Variants in LIMCH1 observed in about 807,000 individuals in gnomAD.
LIMCH1 encodes LIM and calponin homology domains-containing protein 1.
A neutral mutation model predicts 176.5 loss-of-function variants in LIMCH1; 113 were observed. That is an observed-to-expected ratio of 0.64 (90% confidence interval 0.55 to 0.75). LIMCH1 has a LOEUF of 0.75. Ranked by LOEUF, LIMCH1 falls within the 30% of genes least tolerant of loss-of-function variation. The probability of loss-of-function intolerance (pLI) is 0.00; values close to 1 mark genes in which losing one functional copy is unlikely to be tolerated. For missense variants in LIMCH1, 1,674 were observed against 1,814.9 expected, an observed-to-expected ratio of 0.92 and a Z score of 1.41; for synonymous variants, 619 against 645.9, an observed-to-expected ratio of 0.96 and a Z score of 0.63.
intron 2 of LIMCH1, among the ~76,000 whole-genome samples, chr4:41,505,688 A>T (rs768948769): frequency 2.0e-5 from 3 of 152,120 alleles, no homozygotes; most frequent in Non-Finnish European, 4.4e-5. Flanking sequence ...TAGTGCTATT[A>T]TAGAGCTCTA....
At chr4:41,393,628 T>A (rs2057491078) in intron 1 of LIMCH1, among the ~76,000 whole-genome samples, 1 of 152,250 alleles carries the variant, frequency 6.6e-6, no homozygotes, top group African/African-American at 2.4e-5. Flanking sequence ...GAGTTTCTTC[T>A]ACAGAATAGA....
At chr4:41,438,347 C>T (rs1252003191) in intron 1 of LIMCH1, among the ~76,000 whole-genome samples, 6 of 151,894 alleles carry the variant, frequency 4.0e-5, no homozygotes, top group Admixed American at 2.6e-4. Context: ...GATTACAGTG[C>T]TTGTGCCTTT....
upstream of LIMCH1, chr4:41,360,623 G>A: frequency 3.5e-6 from 1 of 282,572 alleles, no homozygotes; most frequent in Non-Finnish European, 6.5e-6. The surrounding 1 kb of genome is among the most constrained non-coding windows in gnomAD (Gnocchi z 4.5). Flanking sequence ...CGCTCCCGCG[G>A]GTCACTCACG....
chr4:41,581,447 T>G (rs1247827528), intron 1 of LIMCH1, among the ~76,000 whole-genome samples: 1 of 152,172 alleles, frequency 6.6e-6, no homozygotes, highest in Non-Finnish European at 1.5e-5. Context: ...AACATTTCCC[T>G]ATTTCCCACA....
chr4:41,648,874 A>C (rs1308045220), intron 17 of LIMCH1, among the ~76,000 whole-genome samples: 1 of 152,044 alleles, frequency 6.6e-6, no homozygotes, highest in Non-Finnish European at 1.5e-5. Context: ...ATATAAAAAA[A>C]AAAGAACTAG....
chr4:41,496,202 C>T (rs918951323), intron 2 of LIMCH1, among the ~76,000 whole-genome samples: 5 of 152,218 alleles, frequency 3.3e-5, no homozygotes, highest in African/African-American at 7.2e-5. Flanking sequence ...GTTTACCTAA[C>T]ATTTGCTCCA....
At chr4:41,572,080 C>A (rs553820638) in intron 1 of LIMCH1, among the ~76,000 whole-genome samples, 60 of 152,210 alleles carry the variant, frequency 3.9e-4, no homozygotes, top group Non-Finnish European at 7.6e-4. Context: ...GGGGTGGGAG[C>A]AAATGGAGAG....
chr4:41,536,846 A>G (rs1371883604), upstream of LIMCH1, among the ~76,000 whole-genome samples: 2 of 152,222 alleles, frequency 1.3e-5, no homozygotes, highest in African/African-American at 4.8e-5. Flanking sequence ...CAGAAAGAGC[A>G]TATTAGGGAA....
chr4:41,619,633 C>T, intron 6 of LIMCH1, 193 bp downstream of exon 6: 1 of 667,216 alleles, frequency 1.5e-6, no homozygotes, highest in Non-Finnish European at 2.5e-6. Context: ...GCGCCTAGAA[C>T]AGTGCCTGGC....
intron 2 of LIMCH1, among the ~76,000 whole-genome samples, chr4:41,497,958 T>C (rs533432924): frequency 6.6e-6 from 1 of 152,026 alleles, no homozygotes; most frequent in South Asian, 2.1e-4. Context: ...AGACCTAAGT[T>C]TGGGGAAGGT....
chr4:41,386,825 G>C (rs1016814752), intron 1 of LIMCH1, among the ~76,000 whole-genome samples: 2 of 152,184 alleles, frequency 1.3e-5, no homozygotes, highest in Admixed American at 1.3e-4. Flanking sequence ...CAATAGTGAG[G>C]TTTCTGATGT....
chr4:41,695,202 A>AATGAAATTT (rs1000638032), intron 31 of LIMCH1, among the ~76,000 whole-genome samples: 3 of 151,514 alleles, frequency 2.0e-5, no homozygotes, highest in Admixed American at 6.6e-5. Context: ...CATTTTATGT[A>AATGAAATTT]ATTAAATATA....
chr4:41,650,464 G>C lies in LIMCH1; in HGVS notation c.2892G>C (p.Thr964=). 1.9e-6 allele frequency: 3 copies of C among 1,613,978 alleles called. No homozygotes were observed. Among genetic ancestry groups the C allele is most frequent in the East Asian group, 2.2e-5 (1 of 44,872 alleles). ...REEEKERECP[T]VAPAHSLTKS... ...AGGAGAAGGAAAGAGAGTGTCCCAC[G>C]GTGGCACCTGCCCACTCCTTAACCA... Residue 964 remains threonine, a synonymous_variant, in exon 18 of 32, where the codon ACG becomes ACC. Coordinates refer to ENST00000503057, the MANE Select transcript of LIMCH1 (RefSeq NM_001330672.2).
chr4:41,359,827 G>T (rs2051780472), upstream of LIMCH1: 2 of 152,140 alleles, frequency 1.3e-5, no homozygotes, highest in Non-Finnish European at 2.9e-5. Context: ...CCAAAAGGGG[G>T]GAAGGCTATC....
intron 18 of LIMCH1, among the ~76,000 whole-genome samples, chr4:41,659,620 G>A (rs1247590216): frequency 2.0e-5 from 3 of 151,850 alleles, no homozygotes; most frequent in African/African-American, 7.3e-5. Flanking sequence ...GAACCCATGG[G>A]GATATTTTAT....
chr4:41,563,623 C>T (rs867515518), intron 1 of LIMCH1, among the ~76,000 whole-genome samples: 1 of 152,204 alleles, frequency 6.6e-6, no homozygotes, highest in Non-Finnish European at 1.5e-5. Context: ...ACCCAATATA[C>T]CAATGGCATG....
chr4:41,398,769 T>A (rs962693114), intron 1 of LIMCH1, among the ~76,000 whole-genome samples: 3 of 151,418 alleles, frequency 2.0e-5, no homozygotes, highest in Non-Finnish European at 4.4e-5. Flanking sequence ...GGACAAAGAG[T>A]GTGAAATAAA....
intron 1 of LIMCH1, among the ~76,000 whole-genome samples, chr4:41,593,640 G>A (rs931221397): frequency 1.6e-4 from 24 of 152,172 alleles, no homozygotes; most frequent in African/African-American, 2.2e-4. Flanking sequence ...GTGAATAAGC[G>A]AATACAGGGT....
At chr4:41,652,383 A>G (rs2094332614) in intron 18 of LIMCH1, among the ~76,000 whole-genome samples, 1 of 152,188 alleles carries the variant, frequency 6.6e-6, no homozygotes, top group South Asian at 2.1e-4. Context: ...CTCTAGGAGC[A>G]GAGTTTTGTG....
Sources: allele counts gnomAD v4.1 joint callset (sites outside exome capture counted in the v4.1 genomes callset), GRCh38; gene constraint gnomAD v4.1.1; non-coding constraint Gnocchi (gnomAD v3.1); transcripts MANE v1.5; gene names NCBI Gene and HGNC (gene_info 2026-07-23, HGNC 2026-07-21).